Variants in PHF24 observed in about 807,000 individuals in gnomAD.
PHF24 encodes PHD finger protein 24.
PHF24 carries 25 observed loss-of-function variants against 42.6 expected under a neutral mutation model. That is an observed-to-expected ratio of 0.59 (90% CI 0.43 to 0.82). The LOEUF (loss-of-function observed/expected upper bound fraction) is 0.82, where lower values mean the gene tolerates loss of function less well. Among genes scored for constraint, PHF24 ranks in the 40% least tolerant of loss-of-function variants. PHF24 has a pLI of 0.00. For missense variants in PHF24, 470 were observed against 538.1 expected (o/e 0.87, Z 1.25); for synonymous variants, 185 against 204.8 (o/e 0.90, Z 0.83).
the PHF24 span, among the ~76,000 whole-genome samples, chr9:34,749,964 C>A: frequency 1.3e-5 from 2 of 151,818 alleles, no homozygotes; most frequent in Non-Finnish European, 2.9e-5. Context: ...AAACTTTTAC[C>A]CTAGAATAGT....
At chr9:34,799,380 T>C in the PHF24 span, among the ~76,000 whole-genome samples, 4 of 152,290 alleles carry the variant, frequency 2.6e-5, no homozygotes, top group African/African-American at 7.2e-5. Context: ...TGTCATAGGG[T>C]TATTTTGAGG....
chr9:34,858,149 C>G, the PHF24 span, among the ~76,000 whole-genome samples: 7 of 151,994 alleles, frequency 4.6e-5, no homozygotes, highest in South Asian at 1.0e-3. Context: ...CAGTTACTGG[C>G]GCTTTATTTT....
chr9:34,709,132 C>T, the PHF24 span: 1 of 572,608 alleles, frequency 1.7e-6, no homozygotes, highest in East Asian at 2.9e-5. Flanking sequence ...AGGGGACAGT[C>T]CTGCTGCCTC....
the PHF24 span, among the ~76,000 whole-genome samples, chr9:34,717,591 G>A: frequency 6.6e-6 from 1 of 152,162 alleles, no homozygotes; most frequent in South Asian, 2.1e-4. Context: ...CAGCCACATT[G>A]TTGAGACCAG....
chr9:34,857,345 A>C, the PHF24 span, among the ~76,000 whole-genome samples: 2 of 152,128 alleles, frequency 1.3e-5, no homozygotes, highest in South Asian at 4.1e-4. Context: ...CCTGAGTTGG[A>C]GTATGCAAAA....
the PHF24 span, chr9:34,709,124 G>A: frequency 3.7e-6 from 2 of 547,372 alleles, no homozygotes; most frequent in Middle Eastern, 4.7e-4. Context: ...CTCCTTCAAG[G>A]GGACAGTCCT....
the PHF24 span, chr9:34,835,499 A>G: frequency 5.2e-6 from 8 of 1,551,934 alleles, no homozygotes; most frequent in South Asian, 1.2e-5. Flanking sequence ...CATCCGGTTC[A>G]GGGTTTCTGG....
the PHF24 span, among the ~76,000 whole-genome samples, chr9:34,938,934 C>CAAAAAAA: frequency 1.6e-5 from 1 of 63,412 alleles, no homozygotes; most frequent in Non-Finnish European, 2.7e-5. Flanking sequence ...GAGACTCCAT[C>CAAAAAAA]AAAAAAAAAA....
chr9:34,886,750 A>ATCTG, the PHF24 span, among the ~76,000 whole-genome samples: 66,459 of 146,172 alleles, frequency 0.45, 15,769 homozygotes, highest in Non-Finnish European at 0.53. Flanking sequence ...CTATCTATCT[A>ATCTG]TCTATCTGTC....
the PHF24 span, among the ~76,000 whole-genome samples, chr9:34,736,820 A>G: frequency 1.8e-4 from 28 of 152,388 alleles, no homozygotes; most frequent in Non-Finnish European, 2.8e-4. Context: ...GATCAAATCT[A>G]TGTAAGCTAG....
chr9:34,727,596 G>T, the PHF24 span, among the ~76,000 whole-genome samples: 1 of 152,210 alleles, frequency 6.6e-6, no homozygotes, highest in African/African-American at 2.4e-5. Context: ...AGGAGGTCAT[G>T]TCAGCAGAGT....
the PHF24 span, among the ~76,000 whole-genome samples, chr9:34,766,637 T>C: frequency 6.6e-6 from 1 of 152,222 alleles, no homozygotes; most frequent in Non-Finnish European, 1.5e-5. Context: ...TCTTTGCCTT[T>C]GGTTTGAATT....
At chr9:34,706,996 A>G in the PHF24 span, among the ~76,000 whole-genome samples, 1 of 152,106 alleles carries the variant, frequency 6.6e-6, no homozygotes, top group Non-Finnish European at 1.5e-5. Flanking sequence ...AAAAAAAAAA[A>G]AGTAAACTTG....
chr9:34,917,651 A>T, the PHF24 span: 2 of 778,156 alleles, frequency 2.6e-6, no homozygotes, highest in Non-Finnish European at 4.8e-6. Context: ...GGGGCCTCAG[A>T]CTCCATATTA....
intron 6 of PHF24, 122 bp downstream of exon 6, chr9:34,977,365 T>C: frequency 7.7e-7 from 1 of 1,301,802 alleles, no homozygotes; most frequent in Non-Finnish European, 1.1e-6. Context: ...TCCTGTGCAT[T>C]AGGTAGAGGA....
At chr9:34,949,363 G>A in the PHF24 span, among the ~76,000 whole-genome samples, 1 of 152,112 alleles carries the variant, frequency 6.6e-6, no homozygotes, top group Non-Finnish European at 1.5e-5. Context: ...TGCTGGCGAG[G>A]ATGTGGATAA....
At chr9:34,971,525 G>A (rs768674352) in exon 2 of PHF24, 11 of 1,614,220 alleles carry the variant, frequency 6.8e-6, no homozygotes, top group East Asian at 2.2e-5. Flanking sequence ...AGTGCCGGCC[G>A]CGCAGCCTGG....
the PHF24 span, among the ~76,000 whole-genome samples, chr9:34,676,895 C>A: frequency 6.6e-6 from 1 of 152,146 alleles, no homozygotes; most frequent in Non-Finnish European, 1.5e-5. Context: ...GGAGGACAGC[C>A]CCAAGGGGGT....
At chr9:34,780,686 T>C in the PHF24 span, among the ~76,000 whole-genome samples, 2 of 151,958 alleles carry the variant, frequency 1.3e-5, no homozygotes, top group African/African-American at 4.8e-5. Flanking sequence ...AAGGACAGCA[T>C]CAAGGGAGTG....
Sources: gnomAD v4.1 joint callset for allele counts (sites outside exome capture counted in the v4.1 genomes callset) on GRCh38, gnomAD v4.1.1 for gene constraint, MANE v1.5 for transcripts, NCBI Gene and HGNC (gene_info 2026-07-23, HGNC 2026-07-21) for gene names.